The following SMARCA2 variants were observed in gnomAD, a reference collection of about 807,000 sequenced individuals.
SMARCA2 encodes the protein SWI/SNF-related matrix-associated actin-dependent regulator of chromatin subfamily A member 2.
In SMARCA2, 61 loss-of-function variants were observed where a neutral mutation model predicts 199.8. The observed-to-expected ratio is 0.31, with a 90% CI of 0.25 to 0.38. The LOEUF is 0.38. Ranked by LOEUF, SMARCA2 falls within the 10% of genes least tolerant of loss-of-function variation. The probability of loss-of-function intolerance (pLI) is 1.00; values close to 1 mark genes in which losing one functional copy is unlikely to be tolerated. For synonymous variants in SMARCA2, 935 were observed against 732.0 expected, an observed-to-expected ratio of 1.28 and a Z score of -4.48; for missense variants, 1,344 against 2,012.2, an observed-to-expected ratio of 0.67 and a Z score of 6.35.
At chr9:2,182,638 G>T (rs1827131181) in intron 31 of SMARCA2, among the ~76,000 whole-genome samples, 1 of 150,644 alleles carries the variant, frequency 6.6e-6, no homozygotes, top group Non-Finnish European at 1.5e-5. Flanking sequence ...GGGATTACAG[G>T]CACCCACCAC....
chr9:2,096,792 A>G, intron 20 of SMARCA2, 28 bp downstream of exon 20: 3 of 1,321,212 alleles, frequency 2.3e-6, no homozygotes, highest in Non-Finnish European at 3.3e-6. Context: ...ATGCAACTCA[A>G]GGTGCTGTGG....
chr9:2,046,505 A>C (rs1489354738), intron 4 of SMARCA2, among the ~76,000 whole-genome samples: 1 of 152,230 alleles, frequency 6.6e-6, no homozygotes, highest in Non-Finnish European at 1.5e-5. Flanking sequence ...TGTAGTAAGA[A>C]AAAATTTAAG....
At position 2,161,939 on chromosome 9, in the gene SMARCA2, A is replaced by C; in HGVS notation, c.4199+36A>C. On this transcript the variant is annotated intron_variant, in intron 28 of 33. Transcript: ENST00000349721. The surrounding 1 kb of genome is among the most constrained non-coding windows in gnomAD (Gnocchi z 4.7). ...GGTTCCTTCACCTTGATCATCTCTC[A>C]CCAAGACGCCGAGTGGCGCTCCCTG... is the stretch of plus-strand genomic sequence containing the variant. The C allele has an allele frequency of 1.3e-5, 21 of 1,564,464 alleles. No individual in the cohort carries two copies. Among genetic ancestry groups the C allele is most frequent in the Non-Finnish European group, 1.8e-5 (20 of 1,138,356 alleles).
chr9:2,032,189 T>TTG (rs1819100383), intron 2 of SMARCA2, among the ~76,000 whole-genome samples: 1 of 152,270 alleles, frequency 6.6e-6, no homozygotes, highest in Non-Finnish European at 1.5e-5. Flanking sequence ...TTTTGAAAAT[T>TTG]GCTATTACAG....
chr9:2,073,505 C>T, intron 11 of SMARCA2, 61 bp from the exon 12 acceptor site: 3 of 1,491,576 alleles, frequency 2.0e-6, no homozygotes, highest in South Asian at 1.2e-5. Context: ...TCATGTGTGT[C>T]TTTATTGTAT....
chr9:2,141,685 T>A (rs1338458432), intron 27 of SMARCA2, among the ~76,000 whole-genome samples: 16 of 152,152 alleles, frequency 1.1e-4, no homozygotes, highest in Admixed American at 1.0e-3. Flanking sequence ...TTATTCACTA[T>A]GTAGTTGTGT....
intron 23 of SMARCA2, among the ~76,000 whole-genome samples, chr9:2,108,840 C>A (rs1026892966): frequency 6.6e-6 from 1 of 152,182 alleles, no homozygotes; most frequent in Non-Finnish European, 1.5e-5. Context: ...TAGTGCTCCT[C>A]CTCCAAAATC....
At chr9:2,127,855 T>C (rs1416340111) in intron 27 of SMARCA2, among the ~76,000 whole-genome samples, 1 of 152,238 alleles carries the variant, frequency 6.6e-6, no homozygotes, top group East Asian at 1.9e-4. Context: ...TGCTAAAAAT[T>C]CCTACAGTGT....
chr9:2,096,863 T>A (rs770917243), intron 20 of SMARCA2, 99 bp downstream of exon 20: 500 of 782,796 alleles, frequency 6.4e-4, no homozygotes, highest in Non-Finnish European at 8.9e-4. Flanking sequence ...TAATGCTGAT[T>A]TGTTAAAGTA....
chr9:2,177,889 A>G (rs936190901), intron 29 of SMARCA2, among the ~76,000 whole-genome samples: 1 of 152,182 alleles, frequency 6.6e-6, no homozygotes, highest in African/African-American at 2.4e-5. Context: ...AGCCTTCAGC[A>G]TGTCTCTAAG....
intron 12 of SMARCA2, among the ~76,000 whole-genome samples, chr9:2,074,913 G>A (rs1005185026): frequency 1.3e-5 from 2 of 152,164 alleles, no homozygotes; most frequent in African/African-American, 4.8e-5. Context: ...GATGCTATTT[G>A]TTTCCCCCAG....
At chr9:2,190,880 C>G (rs1348940804) in intron 32 of SMARCA2, among the ~76,000 whole-genome samples, 2 of 152,120 alleles carry the variant, frequency 1.3e-5, no homozygotes, top group Admixed American at 1.3e-4. Context: ...CCTTTAAACT[C>G]TTTACATTTA....
intron 26 of SMARCA2, among the ~76,000 whole-genome samples, chr9:2,121,962 C>G (rs1194587940): frequency 1.3e-5 from 2 of 152,102 alleles, no homozygotes; most frequent in Admixed American, 6.5e-5. Flanking sequence ...ATCTCAAGAC[C>G]AATTATTCAC....
intron 17 of SMARCA2, among the ~76,000 whole-genome samples, chr9:2,085,037 C>T (rs902014364): frequency 1.3e-5 from 2 of 152,086 alleles, no homozygotes; most frequent in Admixed American, 6.5e-5. Context: ...TGAATAGAAC[C>T]TCTATTTCTG....
intron 9 of SMARCA2, chr9:2,069,072 A>G (rs1348883245): frequency 1.3e-5 from 2 of 151,252 alleles, no homozygotes; most frequent in Non-Finnish European, 2.9e-5. Context: ...ACCCACCACA[A>G]CACCCGGCTA....
chr9:2,155,352 G>A lies in SMARCA2; in HGVS notation c.3982-6334G>A, dbSNP rs187927721. On this transcript the variant is annotated intron_variant, in intron 27 of 33. Coordinates refer to ENST00000349721, the MANE Select transcript of SMARCA2 (RefSeq NM_003070.5). ...GGCTGGAGTGCAGTGGGGCAATCTC[G>A]GCTCACTGCAGCCTCCGCCTCCCGG... 4.8e-3 allele frequency among the ~76,000 whole-genome samples: 726 copies of A among 151,830 alleles called. 4 individuals carry two copies. Among genetic ancestry groups the A allele is most frequent in the African/African-American group, 0.016 (647 of 41,390 alleles).
chr9:2,042,472 G>C (rs548323376), intron 4 of SMARCA2: 1 of 152,316 alleles, frequency 6.6e-6, no homozygotes, highest in East Asian at 1.9e-4. Flanking sequence ...TAAGAATGTA[G>C]GAAGCAGAAT....
rs1471005619 is a variant in SMARCA2, at chr9:2,104,975, C to T, written c.3292+806C>T. ...TCCCTGGGTAGAAAAGAGGATACTG[C>T]TAATACCAGTATTTATCTAATGCAG... On this transcript the variant is annotated intron_variant, in intron 23 of 33. Coordinates refer to ENST00000349721, the MANE Select transcript of SMARCA2 (RefSeq NM_003070.5). The surrounding 1 kb of genome is among the most constrained non-coding windows in gnomAD (Gnocchi z 4.0). Among the ~76,000 whole-genome samples, 3 of 152,136 alleles carry T rather than the reference C, an allele frequency of 2.0e-5. No individual in the cohort carries two copies. Among genetic ancestry groups the T allele is most frequent in the Non-Finnish European group, 4.4e-5 (3 of 68,020 alleles).
chr9:2,106,829 G>A (rs1168619694), intron 23 of SMARCA2, among the ~76,000 whole-genome samples: 3 of 152,216 alleles, frequency 2.0e-5, no homozygotes, highest in Non-Finnish European at 4.4e-5. Flanking sequence ...TATCCCAGAA[G>A]ACAACACTTT....
Sources: allele counts gnomAD v4.1 joint callset (sites outside exome capture counted in the v4.1 genomes callset), GRCh38; gene constraint gnomAD v4.1.1; non-coding constraint Gnocchi (gnomAD v3.1); transcripts MANE v1.5; gene names NCBI Gene and HGNC (gene_info 2026-07-23, HGNC 2026-07-21).